The following RIMBP2 variants were observed in gnomAD, a reference collection of about 807,000 sequenced individuals.
The protein encoded by RIMBP2 is RIMS binding protein 2.
In RIMBP2, 48 loss-of-function variants were observed where a neutral mutation model predicts 118.6. The observed-to-expected ratio is 0.40, with a 90% CI of 0.32 to 0.51. The LOEUF (loss-of-function observed/expected upper bound fraction) is 0.51. Among genes scored for constraint, RIMBP2 ranks in the 20% least tolerant of loss-of-function variants. RIMBP2 has a pLI of 0.41. For synonymous variants in RIMBP2, 762 were observed against 742.9 expected (o/e 1.03, Z -0.42); for missense variants, 1,551 against 1,768.3 (o/e 0.88, Z 2.20).
At chr12:130,405,416 G>T (rs2075066863) in intron 21 of RIMBP2, among the ~76,000 whole-genome samples, 1 of 152,178 alleles carries the variant, frequency 6.6e-6, no homozygotes, top group Non-Finnish European at 1.5e-5. Flanking sequence ...TCTGATAAAG[G>T]CGGTGGGGGA....
intron 6 of RIMBP2, among the ~76,000 whole-genome samples, chr12:130,457,511 T>C (rs933348847): frequency 1.3e-5 from 2 of 152,210 alleles, no homozygotes; most frequent in Non-Finnish European, 2.9e-5. Flanking sequence ...CCCCTGGGAC[T>C]TGAGCTCTAC....
intron 1 of RIMBP2, among the ~76,000 whole-genome samples, chr12:130,639,977 G>T (rs1164337542): frequency 6.6e-6 from 1 of 152,122 alleles, no homozygotes; most frequent in Non-Finnish European, 1.5e-5. Flanking sequence ...ACTTCCTGGC[G>T]TTTCTGTTCC....
intron 1 of RIMBP2, among the ~76,000 whole-genome samples, chr12:130,652,593 G>A (rs1384710148): frequency 2.0e-5 from 3 of 152,108 alleles, no homozygotes; most frequent in African/African-American, 7.2e-5. Flanking sequence ...TTCCCTTGAG[G>A]ATATGGAGCA....
intron 2 of RIMBP2, among the ~76,000 whole-genome samples, chr12:130,557,540 C>T (rs1334696317): frequency 2.0e-5 from 3 of 152,112 alleles, no homozygotes; most frequent in African/African-American, 7.2e-5. Flanking sequence ...AGCCCGCAGC[C>T]CCAGGTGATG....
chr12:130,656,288 G>A (rs2063426028), intron 1 of RIMBP2, among the ~76,000 whole-genome samples: 1 of 152,154 alleles, frequency 6.6e-6, no homozygotes, highest in African/African-American at 2.4e-5. Flanking sequence ...GGAGGGAAGA[G>A]GAGGACGAAG....
intron 1 of RIMBP2, among the ~76,000 whole-genome samples, chr12:130,681,339 TATAAC>T (rs2064775101): frequency 6.6e-6 from 1 of 152,154 alleles, no homozygotes; most frequent in Non-Finnish European, 1.5e-5. Context: ...TGTAATAAAA[TATAAC>T]ATAAGATGTA....
At chr12:130,532,865 G>A (rs1051375298) in intron 2 of RIMBP2, among the ~76,000 whole-genome samples, 23 of 149,406 alleles carry the variant, frequency 1.5e-4, no homozygotes, top group South Asian at 4.3e-4. Flanking sequence ...TAGGAGGGAC[G>A]TCTAATGAGA....
chr12:130,615,931 G>T (rs1451201217), intron 2 of RIMBP2, among the ~76,000 whole-genome samples: 2 of 151,988 alleles, frequency 1.3e-5, no homozygotes, highest in East Asian at 3.9e-4. Flanking sequence ...GTCCCCATAC[G>T]CCTCTTAGAT....
rs1272434155 is a variant in RIMBP2 at position 130,576,125 on chromosome 12, GA to G, written c.-217+52196del. Reference sequence around the variant, plus strand: ...GGGACCGTTAGGCAAAGGGGCTGCGGACAGGTGAGGGGGAGGAGGGGGCTGC... The same window carrying G: ...GGGACCGTTAGGCAAAGGGGCTGCGGCAGGTGAGGGGGAGGAGGGGGCTGC... On this transcript the variant is annotated intron_variant, in intron 2 of 22. Transcript: ENST00000690449. This position sits in a 1 kb window ranked among gnomAD's most constrained non-coding sequence, Gnocchi z 4.2. Among the ~76,000 whole-genome samples, 2 of 152,008 alleles carry G rather than the reference GA, an allele frequency of 1.3e-5. No homozygotes were observed. The highest frequency in any genetic ancestry group is 2.9e-5 in the Non-Finnish European group (2 of 68,010).
intron 6 of RIMBP2, among the ~76,000 whole-genome samples, chr12:130,466,525 C>T (rs559495508): frequency 7.2e-5 from 11 of 152,070 alleles, no homozygotes; most frequent in Admixed American, 5.9e-4. Context: ...ATGTGGGGAC[C>T]GTGAAAGGAA....
chr12:130,615,930 C>T (rs768979612), intron 2 of RIMBP2, among the ~76,000 whole-genome samples: 11 of 152,212 alleles, frequency 7.2e-5, no homozygotes, highest in South Asian at 2.1e-4. Context: ...AGTCCCCATA[C>T]GCCTCTTAGA....
At chr12:130,669,350 A>G (rs1283460201) in intron 1 of RIMBP2, 1 of 152,236 alleles carries the variant, frequency 6.6e-6, no homozygotes, top group Non-Finnish European at 1.5e-5. Context: ...GACACATCAG[A>G]TGATATGGCT....
At chr12:130,609,367 A>T (rs11061032) in intron 2 of RIMBP2, among the ~76,000 whole-genome samples, 10,852 of 150,114 alleles carry the variant, frequency 0.072, 531 homozygotes, top group Non-Finnish European at 0.11. Context: ...CAGCCATTTT[A>T]AAAAAAAATG....
In RIMBP2 at chr12:130,434,315, G is replaced by A. The variant is rs1263642043; in HGVS notation, c.2253+419C>T. 6.6e-6 allele frequency among the ~76,000 whole-genome samples: 1 copy of A among 152,178 alleles called. No homozygotes were observed. Among genetic ancestry groups the A allele is most frequent in the Non-Finnish European group, 1.5e-5 (1 of 68,042 alleles). On this transcript the variant is annotated intron_variant, in intron 14 of 22. Transcript: ENST00000690449. The surrounding 1 kb of genome is among the most constrained non-coding windows in gnomAD (Gnocchi z 5.7). ...GCTCTGCCGTTTTGCTGTTCTGAAGGACGAACACTGACTGTGTTATTTTTG... is the reference window on the plus strand; with the variant it reads ...GCTCTGCCGTTTTGCTGTTCTGAAGAACGAACACTGACTGTGTTATTTTTG...
rs771972398 is a variant in RIMBP2 at position 130,451,186 on chromosome 12, G to A, written c.504+9C>T. 9 of 1,612,154 alleles carry A rather than the reference G, an allele frequency of 5.6e-6. No individual in the cohort carries two copies. Among genetic ancestry groups the A allele is most frequent in the East Asian group, 4.5e-5 (2 of 44,812 alleles). On this transcript the variant is annotated intron_variant, in intron 8 of 22. Coordinates refer to ENST00000690449, the MANE Select transcript of RIMBP2 (RefSeq NM_001393629.1). ...GCAGCCCCGGCAGCCCCTGCGGGAC[G>A]GGACTCACGTCTGACTCAGATCTGC...
In RIMBP2 at chr12:130,431,191, T is replaced by C. The variant is rs2077126596; in HGVS notation, c.2254-2854A>G. 6.6e-6 allele frequency among the ~76,000 whole-genome samples: 1 copy of C among 152,190 alleles called. No individual in the cohort carries two copies. Among genetic ancestry groups the C allele is most frequent in the South Asian group, 2.1e-4 (1 of 4,834 alleles). On this transcript the variant is annotated intron_variant, in intron 14 of 22. Coordinates refer to ENST00000690449, the MANE Select transcript of RIMBP2 (RefSeq NM_001393629.1). This position sits in a 1 kb window ranked among gnomAD's most constrained non-coding sequence, Gnocchi z 4.0. Reference sequence around the variant, plus strand: ...CATTCATTCATTCGACAAACATTCATTGAGCACCTACTATGTGTGAAATGC... The same window carrying C: ...CATTCATTCATTCGACAAACATTCACTGAGCACCTACTATGTGTGAAATGC...
At position 130,692,817 on chromosome 12, in the gene RIMBP2, T is replaced by G. The variant is rs555271674; in HGVS notation, c.-352+23405A>C. ...AATAGAATGGAAAAGTGGGATGGGA[T>G]GGGTGGAATGGGATGGGATGGGATG... is the stretch of plus-strand genomic sequence containing the variant. On this transcript the variant is annotated intron_variant, in intron 1 of 22. Transcript: ENST00000690449. Among the ~76,000 whole-genome samples the G allele has an allele frequency of 2.3e-4, 20 of 88,354 alleles. 1 individual carries two copies. The highest frequency in any genetic ancestry group is 8.6e-4 in the African/African-American group (20 of 23,154). The allele number at this position is 88,354 out of a possible 152,430, so 58.0% of individuals were successfully genotyped here.
intron 1 of RIMBP2, among the ~76,000 whole-genome samples, chr12:130,632,139 GT>G (rs1360303830): frequency 5.9e-5 from 9 of 152,172 alleles, no homozygotes; most frequent in African/African-American, 2.2e-4. Flanking sequence ...TAAAAGAGAC[GT>G]TTCTAACCAG....
At chr12:130,408,687 G>A (rs1038213545) in intron 19 of RIMBP2, among the ~76,000 whole-genome samples, 1 of 152,210 alleles carries the variant, frequency 6.6e-6, no homozygotes, top group Non-Finnish European at 1.5e-5. Context: ...AGACTGAAGG[G>A]GTGGGGCTGT....
Sources: gnomAD v4.1 joint callset for allele counts (sites outside exome capture counted in the v4.1 genomes callset) on GRCh38, gnomAD v4.1.1 for gene constraint, Gnocchi (gnomAD v3.1) non-coding constraint, MANE v1.5 for transcripts, NCBI Gene and HGNC (gene_info 2026-07-23, HGNC 2026-07-21) for gene names.